Variants in ATP10D observed in about 807,000 individuals in gnomAD.
ATP10D encodes the protein phospholipid-transporting ATPase VD.
A neutral mutation model predicts 144.8 loss-of-function variants in ATP10D; 89 were observed. The ratio of observed to expected loss-of-function variants is 0.61; its 90% confidence interval spans 0.52 to 0.73. The LOEUF is 0.73. Ranked by LOEUF, ATP10D falls within the 30% of genes least tolerant of loss-of-function variation. The probability of loss-of-function intolerance (pLI) is 0.00; values close to 1 mark genes in which losing one functional copy is unlikely to be tolerated. For missense variants in ATP10D, 1,603 were observed against 1,714.8 expected, an observed-to-expected ratio of 0.93 and a Z score of 1.15; for synonymous variants, 571 against 615.1, an observed-to-expected ratio of 0.93 and a Z score of 1.06.
chr4:47,512,906 C>A, intron 2 of ATP10D, 76 bp downstream of exon 2: 3 of 1,349,840 alleles, frequency 2.2e-6, no homozygotes, highest in Non-Finnish European at 3.0e-6. Context: ...TTTTCATAAC[C>A]CTGTATATTA....
At chr4:47,509,605 G>A (rs1222762216) in intron 1 of ATP10D, among the ~76,000 whole-genome samples, 1 of 152,154 alleles carries the variant, frequency 6.6e-6, no homozygotes, top group Non-Finnish European at 1.5e-5. Context: ...TATTGTTACT[G>A]TATTAACCAT....
At chr4:47,508,279 C>G (rs1716128357) in intron 1 of ATP10D, among the ~76,000 whole-genome samples, 1 of 152,190 alleles carries the variant, frequency 6.6e-6, no homozygotes, top group Non-Finnish European at 1.5e-5. Context: ...CTACCTAATG[C>G]TGCTACTTCT....
At chr4:47,556,759 A>G (rs1444594170) in intron 11 of ATP10D, 2 of 152,138 alleles carry the variant, frequency 1.3e-5, no homozygotes, top group East Asian at 3.8e-4. Flanking sequence ...TTTTTCATTT[A>G]TTGAGCATTT....
Position 47,554,359 on chromosome 4 carries a change from G to A in ATP10D, c.1636-367G>A, listed in dbSNP as rs138625409. Reference sequence around the variant, plus strand: ...GTTTAAGAGTTAGTATTCATCAAGTGATGGTGAATAAATCTATGACCGAGG... The same window carrying A: ...GTTTAAGAGTTAGTATTCATCAAGTAATGGTGAATAAATCTATGACCGAGG... On this transcript the variant is annotated intron_variant, in intron 10 of 22. Coordinates refer to ENST00000273859, the MANE Select transcript of ATP10D (RefSeq NM_020453.4). Among the ~76,000 whole-genome samples, 160 of 152,264 alleles carry A rather than the reference G, an allele frequency of 1.1e-3. 3 individuals carry two copies. The highest frequency in any genetic ancestry group is 3.8e-3 in the African/African-American group (158 of 41,562).
intron 18 of ATP10D, among the ~76,000 whole-genome samples, chr4:47,573,495 C>T (rs1720072845): frequency 6.6e-6 from 1 of 152,148 alleles, no homozygotes; most frequent in African/African-American, 2.4e-5. Flanking sequence ...AATTCTCTAG[C>T]CAACCTATAA....
chr4:47,490,870 G>A (rs561824412), intron 1 of ATP10D: 47 of 383,228 alleles, frequency 1.2e-4, no homozygotes, highest in South Asian at 9.8e-4. Context: ...AGGTTTTCCA[G>A]ATGAGTCGTC....
chr4:47,530,461 TG>T (rs1717505141), intron 5 of ATP10D, among the ~76,000 whole-genome samples: 1 of 152,050 alleles, frequency 6.6e-6, no homozygotes. Context: ...TTTGTTTGTT[TG>T]TTTGTTTGTT....
At chr4:47,573,755 T>C (rs1033605658) in intron 18 of ATP10D, among the ~76,000 whole-genome samples, 2 of 152,198 alleles carry the variant, frequency 1.3e-5, no homozygotes, top group African/African-American at 2.4e-5. Context: ...ATGTAGTATG[T>C]TAGTAGTAGA....
intron 9 of ATP10D, among the ~76,000 whole-genome samples, chr4:47,538,027 A>G (rs966886388): frequency 1.3e-5 from 2 of 152,166 alleles, no homozygotes; most frequent in African/African-American, 4.8e-5. Flanking sequence ...CTAAAATATC[A>G]TGCTAATTTA....
At chr4:47,524,362 A>G (rs1207320157) in intron 4 of ATP10D, among the ~76,000 whole-genome samples, 2 of 151,636 alleles carry the variant, frequency 1.3e-5, no homozygotes, top group Non-Finnish European at 2.9e-5. Flanking sequence ...CCACCTCTCT[A>G]CCTATGGATT....
Position 47,494,805 on chromosome 4 carries a change from C to T in ATP10D, c.-38+9286C>T, listed in dbSNP as rs1164635271. Among the ~76,000 whole-genome samples the T allele has an allele frequency of 2.6e-5, 4 of 152,116 alleles. 1 individual carries two copies. The highest frequency in any genetic ancestry group is 2.0e-4 in the Admixed American group (3 of 15,272). On this transcript the variant is annotated intron_variant, in intron 1 of 22. Transcript: ENST00000273859. ...TTTTGTATTACTTTCACATCAAAAA[C>T]TCTATATGCCCTACATAAGTATAGG...
chr4:47,495,205 A>G (rs1715287531), intron 1 of ATP10D, among the ~76,000 whole-genome samples: 2 of 152,190 alleles, frequency 1.3e-5, no homozygotes, highest in Non-Finnish European at 2.9e-5. Flanking sequence ...CTGGTTTAAT[A>G]TTGAGTATAG....
Position 47,572,189 on chromosome 4 carries a change from G to A in ATP10D, c.3199G>A (p.Ala1067Thr). ...GANDVSMIQV[A>T]DIGIGVSGQE... is the part of the protein sequence containing the mutation. ...CAATGATGTTAGCATGATACAAGTGGCAGACATTGGGATAGGGGTCTCAGG... is the reference window on the plus strand; with the variant it reads ...CAATGATGTTAGCATGATACAAGTGACAGACATTGGGATAGGGGTCTCAGG... Residue 1067 changes from alanine to threonine, a missense_variant, in exon 17 of 23, where the codon GCA becomes ACA. Coordinates refer to ENST00000273859, the MANE Select transcript of ATP10D (RefSeq NM_020453.4). 1 of 1,614,044 alleles carries A rather than the reference G, an allele frequency of 6.2e-7. No homozygotes were observed. The highest frequency in any genetic ancestry group is 8.5e-7 in the Non-Finnish European group (1 of 1,179,994).
In ATP10D at chr4:47,546,851, A is replaced by G. The variant is rs1478011275; in HGVS notation, c.1624A>G (p.Ser542Gly). Residue 542 changes from serine to glycine, a missense_variant, in exon 10 of 23, where the codon AGT becomes GGT. Transcript: ENST00000273859. The stretch of plus-strand genomic sequence containing the variant: ...GCCTCATTCCAGACAGGCTGCTTTC[A>G]GTAGCCCCATTGTAAGTATGAATGC... ...EVPHSRQAAF[S>G]SPIETDVVPD... 6.2e-7 allele frequency: 1 copy of G among 1,612,500 alleles called. No homozygotes were observed. The highest frequency in any genetic ancestry group is 1.7e-5 in the Admixed American group (1 of 60,030).
At chr4:47,560,289 A>G (rs1264441071) in intron 13 of ATP10D, 1 of 152,218 alleles carries the variant, frequency 6.6e-6, no homozygotes, top group Non-Finnish European at 1.5e-5. Flanking sequence ...TATATTATTG[A>G]TCACTTCCCC....
chr4:47,519,540 C>T (rs1288616489), intron 3 of ATP10D, among the ~76,000 whole-genome samples: 2 of 152,178 alleles, frequency 1.3e-5, no homozygotes, highest in Admixed American at 6.5e-5. Context: ...CTTATGTTTC[C>T]ATCTCCCAAC....
intron 20 of ATP10D, among the ~76,000 whole-genome samples, chr4:47,581,482 G>A (rs1465228466): frequency 1.3e-5 from 2 of 152,150 alleles, no homozygotes; most frequent in Non-Finnish European, 2.9e-5. Flanking sequence ...TGCACTTCAG[G>A]AGAAATATAA....
At chr4:47,525,801 T>G (rs764135655) in intron 5 of ATP10D, among the ~76,000 whole-genome samples, 159 bp downstream of exon 5, 3 of 152,254 alleles carry the variant, frequency 2.0e-5, no homozygotes, top group East Asian at 1.9e-4. Flanking sequence ...TTTAATTATT[T>G]AATAAGTATT....
At chr4:47,560,499 C>CA (rs1719238789) in intron 13 of ATP10D, among the ~76,000 whole-genome samples, 1 of 152,022 alleles carries the variant, frequency 6.6e-6, no homozygotes, top group Non-Finnish European at 1.5e-5. Context: ...AAAACAAAAA[C>CA]AAAACAAAAC....
Sources: allele counts gnomAD v4.1 joint callset (sites outside exome capture counted in the v4.1 genomes callset), GRCh38; gene constraint gnomAD v4.1.1; transcripts MANE v1.5; gene names NCBI Gene and HGNC (gene_info 2026-07-23, HGNC 2026-07-21).